ULK4: variants seen among roughly 807,000 people sequenced by gnomAD.
The protein encoded by ULK4 is unc-51 like kinase 4.
A neutral mutation model predicts 160.6 loss-of-function variants in ULK4; 133 were observed. The observed-to-expected ratio is 0.83, with a 90% CI of 0.72 to 0.96. ULK4 has a LOEUF of 0.96. Among genes scored for constraint, ULK4 ranks in the 40% least tolerant of loss-of-function variants. The probability of loss-of-function intolerance (pLI) is 0.00; values close to 1 mark genes in which losing one functional copy is unlikely to be tolerated. For synonymous variants in ULK4, 534 were observed against 539.8 expected, an observed-to-expected ratio of 0.99 and a Z score of 0.15; for missense variants, 1,580 against 1,499.5, an observed-to-expected ratio of 1.05 and a Z score of -0.89.
intron 9 of ULK4, among the ~76,000 whole-genome samples, chr3:41,911,957 A>G (rs1389607033): frequency 6.6e-6 from 1 of 152,040 alleles, no homozygotes; most frequent in Non-Finnish European, 1.5e-5. Flanking sequence ...GTTTGAGACC[A>G]GCCTGGGCAA....
intron 31 of ULK4, among the ~76,000 whole-genome samples, chr3:41,583,911 G>A (rs994224181): frequency 4.6e-5 from 7 of 152,154 alleles, no homozygotes; most frequent in Admixed American, 4.6e-4. Flanking sequence ...CTACAGCTCT[G>A]GTCTCTGCAG....
In ULK4 at chr3:41,305,869, C is replaced by A. The variant is rs142692152; in HGVS notation, c.3679-56295G>T. On this transcript the variant is annotated intron_variant, in intron 35 of 36. Coordinates refer to ENST00000301831, the MANE Select transcript of ULK4 (RefSeq NM_017886.4). The stretch of plus-strand genomic sequence containing the variant: ...GAGATGTGGGGAGCGCCTCTGCCCC[C>A]CCGCCCCGTCTGGGATGTGAGGAGC... Among the ~76,000 whole-genome samples the A allele has an allele frequency of 1.4e-5, 2 of 140,302 alleles. 1 individual carries two copies. Among genetic ancestry groups the A allele is most frequent in the Non-Finnish European group, 3.0e-5 (2 of 65,696 alleles). The allele number at this position is 140,302 out of a possible 152,430, so 92.0% of individuals were successfully genotyped here. A position where few individuals can be genotyped will look rare whatever the true frequency, so the allele number is the denominator to read the frequency against.
intron 30 of ULK4, among the ~76,000 whole-genome samples, chr3:41,630,480 C>G (rs1559445063): frequency 1.3e-5 from 2 of 152,168 alleles, no homozygotes; most frequent in Non-Finnish European, 2.9e-5. Context: ...AAATCCTTCT[C>G]AAGCCTCAAA....
At chr3:41,420,648 C>T (rs995576738) in intron 34 of ULK4, among the ~76,000 whole-genome samples, 13 of 151,224 alleles carry the variant, frequency 8.6e-5, no homozygotes, top group African/African-American at 3.2e-4. Flanking sequence ...CCATGCCTGG[C>T]TAATTTTTGT....
chr3:41,444,711 G>A (rs1291913900), intron 34 of ULK4, among the ~76,000 whole-genome samples: 8 of 152,054 alleles, frequency 5.3e-5, no homozygotes, highest in African/African-American at 1.7e-4. Flanking sequence ...CAGGCGCGGT[G>A]GCTCACATCT....
Position 41,685,524 on chromosome 3 carries a change from G to A in ULK4, c.2782-3720C>T, listed in dbSNP as rs149288946. On this transcript the variant is annotated intron_variant, in intron 27 of 36. Coordinates refer to ENST00000301831, the MANE Select transcript of ULK4 (RefSeq NM_017886.4). ...TTTTACTTAAGGCATTCCAAGAACT[G>A]TCCTTAGGAGATCCAAAATAAACCA... Among the ~76,000 whole-genome samples the A allele has an allele frequency of 2.9e-3, 441 of 152,234 alleles. 2 individuals carry two copies. The highest frequency in any genetic ancestry group is 9.8e-3 in the African/African-American group (406 of 41,540).
intron 30 of ULK4, among the ~76,000 whole-genome samples, chr3:41,642,560 G>A (rs1325977205): frequency 1.3e-5 from 2 of 152,138 alleles, no homozygotes; most frequent in Non-Finnish European, 1.5e-5. Flanking sequence ...TGGTGTATAT[G>A]TGCCACATTT....
intron 31 of ULK4, among the ~76,000 whole-genome samples, chr3:41,586,146 G>T (rs1326801389): frequency 6.6e-6 from 1 of 151,974 alleles, no homozygotes; most frequent in Non-Finnish European, 1.5e-5. Flanking sequence ...CACACTTCTG[G>T]GTATATATCC....
intron 35 of ULK4, among the ~76,000 whole-genome samples, chr3:41,376,465 C>T (rs897500411): frequency 1.3e-5 from 2 of 150,100 alleles, no homozygotes; most frequent in African/African-American, 2.5e-5. Flanking sequence ...GATTGTATAT[C>T]TAGAAAACCC....
intron 12 of ULK4, among the ~76,000 whole-genome samples, chr3:41,901,100 A>G (rs1427621979): frequency 6.6e-6 from 1 of 152,036 alleles, no homozygotes; most frequent in Non-Finnish European, 1.5e-5. Context: ...CTAGGACTAG[A>G]AAAAATATCT....
Position 41,936,022 on chromosome 3 carries a change from C to A in ULK4, c.239-82G>T, listed in dbSNP as rs975913309. ...CTGAGAGGTTCCACGCTGACAGATA[C>A]GAACATTAAAAAATGATCAAGACAG... On this transcript the variant is annotated intron_variant, in intron 3 of 36. Coordinates refer to ENST00000301831, the MANE Select transcript of ULK4 (RefSeq NM_017886.4). 9 of 1,532,690 alleles carry A rather than the reference C, an allele frequency of 5.9e-6. No homozygotes were observed. In the African/African-American group the frequency reaches 1.1e-4, roughly 19 times the overall value. 94.9% of individuals were successfully genotyped at this position (1,532,690 alleles called of 1,614,324 possible). A position where few individuals can be genotyped will look rare whatever the true frequency, so the allele number is the denominator to read the frequency against.
chr3:41,534,885 A>C (rs545545181), intron 32 of ULK4, among the ~76,000 whole-genome samples: 7 of 152,294 alleles, frequency 4.6e-5, no homozygotes, highest in African/African-American at 1.7e-4. Flanking sequence ...GGTTTATTAT[A>C]ATTTTTAGAT....
intron 17 of ULK4, chr3:41,859,524 C>A (rs1042671256): frequency 1.8e-6 from 1 of 546,116 alleles, no homozygotes; most frequent in African/African-American, 1.9e-5. Context: ...TAAACCAAGG[C>A]ACCAAGAAGC....
At chr3:41,632,666 G>T (rs541054160) in intron 30 of ULK4, among the ~76,000 whole-genome samples, 1 of 152,084 alleles carries the variant, frequency 6.6e-6, no homozygotes, top group South Asian at 2.1e-4. Context: ...AGTAAACATG[G>T]ATTGCACAGT....
chr3:41,818,258 T>C (rs2041032883), intron 19 of ULK4, among the ~76,000 whole-genome samples: 1 of 152,188 alleles, frequency 6.6e-6, no homozygotes, highest in African/African-American at 2.4e-5. Flanking sequence ...CACAGCACTA[T>C]TCACAATAAT....
intron 21 of ULK4, among the ~76,000 whole-genome samples, chr3:41,770,203 A>C (rs1255774880): frequency 2.0e-5 from 3 of 152,210 alleles, no homozygotes; most frequent in Non-Finnish European, 4.4e-5. Flanking sequence ...ACTTATCCAA[A>C]TTTATCAAAA....
chr3:41,394,887 T>C (rs1270501633), intron 35 of ULK4, among the ~76,000 whole-genome samples: 3 of 152,058 alleles, frequency 2.0e-5, no homozygotes, highest in Non-Finnish European at 2.9e-5. Context: ...GGCAGGCCTG[T>C]AAACATTATG....
At chr3:41,758,907 T>G (rs1413650239) in intron 21 of ULK4, among the ~76,000 whole-genome samples, 1 of 151,864 alleles carries the variant, frequency 6.6e-6, no homozygotes, top group Non-Finnish European at 1.5e-5. Context: ...TTCATCATAA[T>G]TAATTGATGA....
At chr3:41,402,738 G>A (rs2082207302) in intron 34 of ULK4, among the ~76,000 whole-genome samples, 1 of 152,128 alleles carries the variant, frequency 6.6e-6, no homozygotes, top group Non-Finnish European at 1.5e-5. Flanking sequence ...ATACATTGAT[G>A]TATTCAATTT....
Sources: allele counts gnomAD v4.1 joint callset (sites outside exome capture counted in the v4.1 genomes callset), GRCh38; gene constraint gnomAD v4.1.1; transcripts MANE v1.5; gene names NCBI Gene and HGNC (gene_info 2026-07-23, HGNC 2026-07-21).